The following SLC25A29 variants were observed in gnomAD, a reference collection of about 807,000 sequenced individuals.
SLC25A29 encodes the protein solute carrier family 25 member 29, also known as mitochondrial basic amino acids transporter.
SLC25A29 carries 13 observed loss-of-function variants against 10.0 expected under a neutral mutation model. The observed-to-expected ratio is 1.30, with a 90% CI of 0.85 to 2.07. The LOEUF is 2.07. SLC25A29 is among the 30% of genes most tolerant of loss of function. The pLI, the probability that SLC25A29 is intolerant of heterozygous loss-of-function variation, is 0.00. For synonymous variants in SLC25A29, 244 were observed against 221.1 expected, an observed-to-expected ratio of 1.10 and a Z score of -0.92; for missense variants, 475 against 447.6, an observed-to-expected ratio of 1.06 and a Z score of -0.55.
At chr14:100,285,591 C>A in the SLC25A29 span, among the ~76,000 whole-genome samples, 1 of 152,068 alleles carries the variant, frequency 6.6e-6, no homozygotes, top group African/African-American at 2.4e-5. Context: ...TACGAGCGTC[C>A]CCCGCGCGGA....
chr14:100,301,969 C>G (rs184972244), intron 1 of SLC25A29, among the ~76,000 whole-genome samples: 43 of 152,242 alleles, frequency 2.8e-4, no homozygotes, highest in African/African-American at 9.9e-4. Flanking sequence ...TCATTGAGAC[C>G]GTGAGACTCA....
intron 1 of SLC25A29, chr14:100,305,679 C>G (rs1892887122): frequency 7.5e-6 from 1 of 132,486 alleles, no homozygotes; most frequent in South Asian, 2.5e-4. Flanking sequence ...TAGGAAGGGG[C>G]GGCGTTCCAA....
At position 100,292,367 on chromosome 14, in the gene SLC25A29, C is replaced by A; in HGVS notation, c.828G>T (p.Ala276=). Residue 276 remains alanine, a synonymous_variant, in exon 4 of 4, where the codon GCG becomes GCT. Coordinates refer to ENST00000359232, the MANE Select transcript of SLC25A29 (RefSeq NM_001039355.3). ...FATVTVVLTY[A]RGEEAGPEGE... is the part of the protein sequence containing the mutation. ...CCTCGGGCCCGGCCTCCTCGCCGCG[C>A]GCGTAGGTGAGCACCACCGTGACGG... The A allele has an allele frequency of 6.5e-7, 1 of 1,528,038 alleles. No individual in the cohort carries two copies. The highest frequency in any genetic ancestry group is 8.8e-7 in the Non-Finnish European group (1 of 1,142,368). The allele number at this position is 1,528,038 out of a possible 1,614,324, so 94.7% of individuals were successfully genotyped here.
downstream of SLC25A29, among the ~76,000 whole-genome samples, chr14:100,289,064 G>A (rs1171734079): frequency 6.6e-6 from 1 of 152,198 alleles, no homozygotes; most frequent in Non-Finnish European, 1.5e-5. Context: ...CGATCGGAGC[G>A]ATGCTCTTGT....
chr14:100,304,219 G>A (rs1205172831), intron 1 of SLC25A29, among the ~76,000 whole-genome samples: 1 of 152,166 alleles, frequency 6.6e-6, no homozygotes, highest in African/African-American at 2.4e-5. Flanking sequence ...GCTGGGGTAC[G>A]GGTCCCAAGG....
At chr14:100,279,557 C>G in the SLC25A29 span, 2 of 152,250 alleles carry the variant, frequency 1.3e-5, no homozygotes, top group Non-Finnish European at 2.9e-5. Context: ...CTGGGTAAGC[C>G]AGGCTTTGCT....
the SLC25A29 span, chr14:100,278,924 TGTG>T: frequency 2.6e-5 from 4 of 152,258 alleles, no homozygotes; most frequent in African/African-American, 9.6e-5. Context: ...AGGAAATGCT[TGTG>T]GTCGTTGGTT....
intron 1 of SLC25A29, chr14:100,299,495 C>T: frequency 1.0e-6 from 1 of 986,750 alleles, no homozygotes; most frequent in Non-Finnish European, 1.2e-6. Flanking sequence ...GTCCCCTTCC[C>T]TCAGTGGGAG....
downstream of SLC25A29, among the ~76,000 whole-genome samples, chr14:100,288,515 C>T (rs557648252): frequency 9.1e-4 from 139 of 152,120 alleles, 1 homozygote; most frequent in African/African-American, 3.2e-3. Flanking sequence ...AAGGCACTGC[C>T]ATGTGACCCG....
chr14:100,290,017 C>A (rs1175063363), downstream of SLC25A29, among the ~76,000 whole-genome samples: 2 of 152,224 alleles, frequency 1.3e-5, no homozygotes, highest in Non-Finnish European at 2.9e-5. Context: ...CCGCACCACT[C>A]CTCACTTCTG....
At position 100,291,343 on chromosome 14, in the gene SLC25A29, A is replaced by G; in HGVS notation, c.*940T>C. 1 of 152,592 alleles carries G rather than the reference A, an allele frequency of 6.6e-6. No individual in the cohort carries two copies. The allele number at this position is 152,592 out of a possible 1,614,324, so 9.5% of individuals were successfully genotyped here. The stretch of plus-strand genomic sequence containing the variant: ...GCCTGGGAGGCACCGTTTGCTGGGG[A>G]GCAGAGGGACTGACCTTTGGCTTCT... On this transcript the variant is annotated 3_prime_UTR_variant, in exon 4 of 4. Coordinates refer to ENST00000359232, the MANE Select transcript of SLC25A29 (RefSeq NM_001039355.3).
downstream of SLC25A29, among the ~76,000 whole-genome samples, chr14:100,290,740 C>T (rs1001505250): frequency 2.0e-5 from 3 of 152,212 alleles, no homozygotes; most frequent in Non-Finnish European, 4.4e-5. Flanking sequence ...CCAAGTTGCC[C>T]GGGTGGCTGA....
intron 1 of SLC25A29, among the ~76,000 whole-genome samples, chr14:100,300,609 T>G (rs1892477053): frequency 1.3e-5 from 2 of 152,068 alleles, no homozygotes; most frequent in Non-Finnish European, 2.9e-5. Context: ...TCAAGAAAAC[T>G]CCTGACTTCA....
At chr14:100,297,295 C>A (rs114956583) in intron 2 of SLC25A29, among the ~76,000 whole-genome samples, 2,512 of 152,292 alleles carry the variant, frequency 0.016, 69 homozygotes, top group African/African-American at 0.057. Flanking sequence ...AAACTCCTGT[C>A]CCTGAGTCAC....
At chr14:100,290,371 C>T (rs1271450168), downstream of SLC25A29, among the ~76,000 whole-genome samples, 1 of 152,232 alleles carries the variant, frequency 6.6e-6, no homozygotes. Context: ...TAAAGAGAAG[C>T]GAGAGAGGCC....
chr14:100,287,392 G>C (rs1388193993), downstream of SLC25A29, among the ~76,000 whole-genome samples: 2 of 152,140 alleles, frequency 1.3e-5, no homozygotes, highest in African/African-American at 4.8e-5. Context: ...GCCCTTCCAC[G>C]CTTTAAGCCT....
At chr14:100,289,566 G>C (rs1292403990), downstream of SLC25A29, among the ~76,000 whole-genome samples, 2 of 152,152 alleles carry the variant, frequency 1.3e-5, no homozygotes, top group Non-Finnish European at 2.9e-5. Context: ...TCAGAGGCCG[G>C]GCGCAGTGGC....
Position 100,291,491 on chromosome 14 carries a change from C to T in SLC25A29, c.*792G>A. The T allele has an allele frequency of 6.5e-6, 1 of 152,954 alleles. No individual in the cohort carries two copies. The highest frequency in any genetic ancestry group is 1.5e-5 in the Non-Finnish European group (1 of 68,560). The allele number at this position is 152,954 out of a possible 1,614,324, so 9.5% of individuals were successfully genotyped here. ...GTGGGCCGGAGACTCAGTTGTCCGT[C>T]AGCTGGCCATGTCCCCATTTTATGG... On this transcript the variant is annotated 3_prime_UTR_variant, in exon 4 of 4. Transcript: ENST00000359232.
chr14:100,298,152 G>A (rs1892297316), intron 2 of SLC25A29: 1 of 154,944 alleles, frequency 6.5e-6, no homozygotes, highest in South Asian at 2.0e-4. Flanking sequence ...CTGCCAGCAA[G>A]CACAAGGCTG....
Sources: allele counts gnomAD v4.1 joint callset (sites outside exome capture counted in the v4.1 genomes callset), GRCh38; gene constraint gnomAD v4.1.1; transcripts MANE v1.5; gene names NCBI Gene and HGNC (gene_info 2026-07-23, HGNC 2026-07-21).